Variants in KCNN2 observed in about 807,000 individuals in gnomAD.
KCNN2 encodes the protein small conductance calcium-activated potassium channel protein 2.
A neutral mutation model predicts 55.5 loss-of-function variants in KCNN2; 24 were observed. The observed-to-expected ratio is 0.43, with a 90% CI of 0.31 to 0.61. The LOEUF is 0.61. Ranked by LOEUF, KCNN2 falls within the 20% of genes least tolerant of loss-of-function variation. The pLI is 0.08. For missense variants in KCNN2, 754 were observed against 853.6 expected (o/e 0.88, Z 1.45); for synonymous variants, 431 against 336.1 (o/e 1.28, Z -3.09).
intron 3 of KCNN2, among the ~76,000 whole-genome samples, chr5:114,453,455 T>G (rs187963490): frequency 2.6e-5 from 4 of 152,354 alleles, no homozygotes. Flanking sequence ...TCCTGGTATT[T>G]AAAAATTTAC....
chr5:114,129,494 C>T (rs1361145827), intron 1 of KCNN2, among the ~76,000 whole-genome samples: 1 of 152,108 alleles, frequency 6.6e-6, no homozygotes, highest in Non-Finnish European at 1.5e-5. Context: ...TGCTAAATTC[C>T]CTAATTCTGT....
intron 2 of KCNN2, among the ~76,000 whole-genome samples, chr5:114,302,302 G>A (rs1009088813): frequency 8.5e-5 from 13 of 152,092 alleles, no homozygotes; most frequent in Non-Finnish European, 5.9e-5. Flanking sequence ...TATTTCTACC[G>A]TGGCTAGCAC....
intron 1 of KCNN2, among the ~76,000 whole-genome samples, chr5:114,168,141 A>G (rs1375074563): frequency 1.4e-5 from 2 of 146,520 alleles, no homozygotes; most frequent in Non-Finnish European, 3.0e-5. Context: ...ATGTGTGTAT[A>G]TAGATATATA....
Position 114,362,605 on chromosome 5 carries a change from C to A in KCNN2, c.466C>A (p.Gln156Lys). The A allele has an allele frequency of 1.2e-6, 1 of 868,284 alleles. No homozygotes were observed. Among genetic ancestry groups the A allele is most frequent in the Non-Finnish European group, 1.7e-6 (1 of 592,318 alleles). 53.8% of individuals were successfully genotyped at this position (868,284 alleles called of 1,614,324 possible). The change falls in exon 1 of 8, where the codon CAG (glutamine) becomes AAG (lysine). Residue 156 changes from glutamine to lysine, a missense_variant. Transcript: ENST00000673685. ...CGCGCAGCAGTCGGCGTCCGCCTCC[C>A]AGTACCACCAGTGCCACAGCCTGCA... ...QSAQQSASAS[Q>K]YHQCHSLQPA...
intron 2 of KCNN2, among the ~76,000 whole-genome samples, chr5:114,249,014 G>T: frequency 6.6e-6 from 1 of 152,132 alleles, no homozygotes; most frequent in East Asian, 1.9e-4. Flanking sequence ...CTAGTACAGG[G>T]TGTTACCATA....
At chr5:114,148,642 G>A (rs761991737) in intron 1 of KCNN2, among the ~76,000 whole-genome samples, 16 of 152,004 alleles carry the variant, frequency 1.1e-4, no homozygotes, top group African/African-American at 3.6e-4. Flanking sequence ...AAGGATGAGA[G>A]GAATGAGAAA....
intron 2 of KCNN2, among the ~76,000 whole-genome samples, chr5:114,328,042 T>G (rs1055204672): frequency 6.6e-6 from 1 of 152,248 alleles, no homozygotes. Context: ...GGCACATTAG[T>G]AAATGTTATG....
intron 2 of KCNN2, among the ~76,000 whole-genome samples, chr5:114,343,052 C>T (rs554332189): frequency 6.6e-6 from 1 of 152,338 alleles, no homozygotes; most frequent in African/African-American, 2.4e-5. Context: ...TTTATAAATA[C>T]ACTGTTAGTT....
At chr5:114,182,220 T>G (rs1202380407) in intron 1 of KCNN2, among the ~76,000 whole-genome samples, 2 of 152,166 alleles carry the variant, frequency 1.3e-5, no homozygotes, top group Admixed American at 6.5e-5. Context: ...TAGAAACTTC[T>G]GAGTTTCTCT....
At position 114,364,143 on chromosome 5, in the gene KCNN2, A is replaced by C; in HGVS notation, c.1218+142A>C. 8 of 629,534 alleles carry C rather than the reference A, an allele frequency of 1.3e-5. No individual in the cohort carries two copies. In the South Asian group the frequency reaches 1.5e-4, roughly 12 times the overall value. The allele number at this position is 629,534 out of a possible 1,614,324, so 39.0% of individuals were successfully genotyped here. On this transcript the variant is annotated intron_variant, in intron 2 of 7. Coordinates refer to ENST00000673685, the MANE Select transcript of KCNN2 (RefSeq NM_021614.4). ...CACATGCTGTATTGTTACCGTTAGC[A>C]CCTGACCTGTTCTTTCAGGAAGTGG...
chr5:114,072,980 A>G (rs1358844808), intron 1 of KCNN2, among the ~76,000 whole-genome samples: 1 of 152,352 alleles, frequency 6.6e-6, no homozygotes, highest in Non-Finnish European at 1.5e-5. Flanking sequence ...GGTAATACAT[A>G]GTGACTGTGG....
At chr5:114,401,062 C>T (rs1480825829) in intron 2 of KCNN2, among the ~76,000 whole-genome samples, 1 of 150,460 alleles carries the variant, frequency 6.6e-6, no homozygotes, top group African/African-American at 2.4e-5. Flanking sequence ...TGCTGTATGG[C>T]TGGTATGTAG....
At chr5:114,187,924 C>T (rs1190317463) in intron 1 of KCNN2, among the ~76,000 whole-genome samples, 2 of 151,962 alleles carry the variant, frequency 1.3e-5, no homozygotes, top group East Asian at 3.9e-4. Flanking sequence ...AAGCAAGTCT[C>T]CTGCCTCAGC....
At chr5:114,225,373 T>G (rs1754220319) in intron 2 of KCNN2, among the ~76,000 whole-genome samples, 1 of 152,124 alleles carries the variant, frequency 6.6e-6, no homozygotes, top group Admixed American at 6.6e-5. Flanking sequence ...ATCAAGAAGG[T>G]GCAGTGTGTC....
chr5:114,402,611 T>G (rs950404456), intron 2 of KCNN2, among the ~76,000 whole-genome samples: 1 of 152,188 alleles, frequency 6.6e-6, no homozygotes, highest in Non-Finnish European at 1.5e-5. Flanking sequence ...TTGTGGCTAA[T>G]GTATCAAATA....
At chr5:114,352,861 G>C (rs970766231) in intron 2 of KCNN2, among the ~76,000 whole-genome samples, 14 of 151,828 alleles carry the variant, frequency 9.2e-5, no homozygotes, top group African/African-American at 3.4e-4. Context: ...TGTGTGTTCT[G>C]CTGTTGCTGA....
chr5:114,062,907 CA>C (rs1750361764), intron 1 of KCNN2, among the ~76,000 whole-genome samples: 1 of 152,118 alleles, frequency 6.6e-6, no homozygotes, highest in Non-Finnish European at 1.5e-5. Flanking sequence ...AACTTCATTC[CA>C]AGCTAATTCA....
intron 1 of KCNN2, among the ~76,000 whole-genome samples, chr5:114,216,267 G>A (rs565800613): frequency 6.6e-5 from 10 of 152,220 alleles, no homozygotes; most frequent in African/African-American, 2.4e-4. Flanking sequence ...AGAAACATAT[G>A]TGTGGTATTT....
intron 7 of KCNN2, among the ~76,000 whole-genome samples, chr5:114,494,755 A>G (rs1748031527): frequency 6.6e-6 from 1 of 152,120 alleles, no homozygotes; most frequent in South Asian, 2.1e-4. Flanking sequence ...TCTTAAATGA[A>G]TGGATGCTGT....
Sources: allele counts gnomAD v4.1 joint callset (sites outside exome capture counted in the v4.1 genomes callset), GRCh38; gene constraint gnomAD v4.1.1; transcripts MANE v1.5; gene names NCBI Gene and HGNC (gene_info 2026-07-23, HGNC 2026-07-21).